The following NAV3 variants were observed in gnomAD, a reference collection of about 807,000 sequenced individuals.
The protein encoded by NAV3 is pore membrane and/or filament interacting like protein 1.
Under a neutral mutation model 244.7 loss-of-function variants are expected in NAV3, and 87 were observed. The observed-to-expected ratio is 0.36, with a 90% CI of 0.30 to 0.42. The LOEUF is 0.42. NAV3 is among the 20% of genes least tolerant of loss of function. NAV3 has a pLI of 1.00. For missense variants in NAV3, 2,663 were observed against 2,893.3 expected (o/e 0.92, Z 1.83); for synonymous variants, 1,126 against 1,042.2 (o/e 1.08, Z -1.55).
chr12:77,691,383 CA>C (rs141849100), intron 2 of NAV3, among the ~76,000 whole-genome samples: 2,150 of 105,964 alleles, frequency 0.02, 63 homozygotes, highest in African/African-American at 0.071. Context: ...TTTTTCTGCT[CA>C]AACATAAATT....
chr12:77,620,047 TC>T (rs1427623610), intron 2 of NAV3, among the ~76,000 whole-genome samples: 1 of 151,996 alleles, frequency 6.6e-6, no homozygotes, highest in African/African-American at 2.4e-5. Flanking sequence ...AATTAAGGAG[TC>T]TTTTCATTTG....
chr12:78,204,196 G>A (rs945958291), intron 38 of NAV3, among the ~76,000 whole-genome samples: 1 of 150,820 alleles, frequency 6.6e-6, no homozygotes, highest in Non-Finnish European at 1.5e-5. Flanking sequence ...ACACTCCGGG[G>A]ACTGTTGTGG....
At chr12:78,188,440 C>A in intron 32 of NAV3, 97 bp downstream of exon 32, 1 of 1,204,356 alleles carries the variant, frequency 8.3e-7, no homozygotes, top group Non-Finnish European at 1.2e-6. Flanking sequence ...TTCTTTTCCT[C>A]TCCTCAAATA....
intron 2 of NAV3, among the ~76,000 whole-genome samples, chr12:77,579,645 A>G (rs912923341): frequency 6.6e-6 from 1 of 152,222 alleles, no homozygotes; most frequent in Non-Finnish European, 1.5e-5. Context: ...TTTCAACAGG[A>G]GTTTTGGAGG....
intron 1 of NAV3, among the ~76,000 whole-genome samples, chr12:77,938,049 A>C (rs1328961582): frequency 1.3e-5 from 2 of 152,174 alleles, no homozygotes; most frequent in Non-Finnish European, 2.9e-5. Context: ...CTCAAGTCAG[A>C]TCTGTCTGAC....
intron 39 of NAV3, among the ~76,000 whole-genome samples, chr12:78,208,435 G>A (rs565823747): frequency 6.6e-6 from 1 of 152,286 alleles, no homozygotes; most frequent in African/African-American, 2.4e-5. Flanking sequence ...CCATAGCAGT[G>A]AGTGTGGGGA....
chr12:77,616,124 G>A (rs966425140), intron 2 of NAV3, among the ~76,000 whole-genome samples: 1 of 152,008 alleles, frequency 6.6e-6, no homozygotes, highest in African/African-American at 2.4e-5. Context: ...AAGTTAGTAT[G>A]AGGCCAGGCA....
intron 2 of NAV3, among the ~76,000 whole-genome samples, chr12:77,775,311 G>A (rs1006595714): frequency 6.6e-6 from 1 of 151,428 alleles, no homozygotes; most frequent in African/African-American, 2.4e-5. Context: ...AAAATTGCTT[G>A]AACCTGGAGG....
At chr12:77,921,777 T>C (rs1887731583) in intron 1 of NAV3, among the ~76,000 whole-genome samples, 2 of 152,212 alleles carry the variant, frequency 1.3e-5, no homozygotes, top group South Asian at 4.1e-4. Context: ...ACAAAGAAGG[T>C]AATATGGTGC....
chr12:77,725,634 G>GA (rs907666694), intron 2 of NAV3, among the ~76,000 whole-genome samples: 131 of 144,908 alleles, frequency 9.0e-4, no homozygotes, highest in East Asian at 7.0e-3. Context: ...ATTTGGAAAG[G>GA]AAAAAAAAAA....
intron 1 of NAV3, among the ~76,000 whole-genome samples, chr12:77,863,575 A>G (rs1879573466): frequency 1.3e-5 from 2 of 152,046 alleles, no homozygotes; most frequent in African/African-American, 2.4e-5. Flanking sequence ...TTTAAAATTT[A>G]TTGGACTGAG....
chr12:77,925,694 A>T (rs1045251414), intron 1 of NAV3, among the ~76,000 whole-genome samples: 7 of 152,112 alleles, frequency 4.6e-5, no homozygotes, highest in African/African-American at 1.4e-4. Context: ...TCTTGCAGGT[A>T]TGTGGATCTA....
intron 2 of NAV3, among the ~76,000 whole-genome samples, chr12:77,685,722 A>C (rs1299508008): frequency 6.6e-6 from 1 of 152,156 alleles, no homozygotes; most frequent in African/African-American, 2.4e-5. Flanking sequence ...ACCTCATTAA[A>C]AATAATTAGT....
At chr12:78,181,171 AG>A (rs1958483549) in intron 30 of NAV3, 126 bp downstream of exon 30, 1 of 818,412 alleles carries the variant, frequency 1.2e-6, no homozygotes, top group African/African-American at 1.7e-5. Context: ...AAATAGTCCT[AG>A]TTTGATCTTA....
Position 77,831,536 on chromosome 12 carries a change from G to A in NAV3, c.75G>A (p.Pro25=), listed in dbSNP as rs369240432. The part of the protein sequence containing the change: ...VGSKPVHTAL[P]IPNLGTTGSQ... ...CAAAGCCTGTGCATACTGCTCTTCC[G>A]ATACCAAATCTTGGCACTACTGGGT... is the stretch of plus-strand genomic sequence containing the variant. The change falls in exon 1 of 40, where the codon CCG becomes CCA. Residue 25 remains proline (P), a synonymous_variant. Transcript: ENST00000397909. The A allele has an allele frequency of 3.7e-6, 6 of 1,614,048 alleles. No homozygotes were observed. The highest frequency in any genetic ancestry group is 1.7e-5 in the Admixed American group (1 of 60,002).
At chr12:77,589,494 G>A (rs1869802873) in intron 2 of NAV3, among the ~76,000 whole-genome samples, 1 of 152,192 alleles carries the variant, frequency 6.6e-6, no homozygotes, top group Non-Finnish European at 1.5e-5. Flanking sequence ...CAGGGCTGGG[G>A]AGGCCTCAGG....
At chr12:77,899,831 T>C (rs1236594704) in intron 1 of NAV3, among the ~76,000 whole-genome samples, 1 of 152,232 alleles carries the variant, frequency 6.6e-6, no homozygotes, top group Non-Finnish European at 1.5e-5. Flanking sequence ...ACTTAATATC[T>C]ATTAGTAATA....
At chr12:77,750,010 G>A (rs902396464) in intron 2 of NAV3, among the ~76,000 whole-genome samples, 27 of 152,180 alleles carry the variant, frequency 1.8e-4, no homozygotes, top group African/African-American at 6.3e-4. Context: ...AGTCAAAGAT[G>A]CCAAGTTATT....
intron 2 of NAV3, among the ~76,000 whole-genome samples, chr12:77,662,152 G>A (rs976533380): frequency 5.3e-5 from 8 of 151,952 alleles, no homozygotes; most frequent in East Asian, 1.9e-4. Context: ...ACATCTTAAC[G>A]ATATTGAGTC....
Sources: gnomAD v4.1 joint callset for allele counts (sites outside exome capture counted in the v4.1 genomes callset) on GRCh38, gnomAD v4.1.1 for gene constraint, MANE v1.5 for transcripts, NCBI Gene and HGNC (gene_info 2026-07-23, HGNC 2026-07-21) for gene names.